CEP128: variants seen among roughly 807,000 people sequenced by gnomAD.
CEP128 encodes centrosomal protein 128, also known as centrosomal protein 128kDa.
A neutral mutation model predicts 156.7 loss-of-function variants in CEP128; 132 were observed. The ratio of observed to expected loss-of-function variants is 0.84; its 90% confidence interval spans 0.73 to 0.97. The LOEUF (loss-of-function observed/expected upper bound fraction) is 0.97, where lower values mean the gene tolerates loss of function less well. CEP128 is among the 50% of genes least tolerant of loss of function. The pLI is 0.00. For missense variants in CEP128, 1,252 were observed against 1,281.9 expected (o/e 0.98, Z 0.36); for synonymous variants, 469 against 448.9 (o/e 1.04, Z -0.57).
chr14:80,713,006 A>G (rs1327430693), intron 19 of CEP128, among the ~76,000 whole-genome samples: 2 of 152,170 alleles, frequency 1.3e-5, no homozygotes, highest in African/African-American at 4.8e-5. Context: ...AAAAACCAAA[A>G]GTTGAATCTA....
chr14:80,806,476 T>C (rs1884181830), intron 13 of CEP128, among the ~76,000 whole-genome samples: 1 of 152,224 alleles, frequency 6.6e-6, no homozygotes, highest in Admixed American at 6.5e-5. Flanking sequence ...AGGGAAATTC[T>C]GACCCTGGAA....
intron 21 of CEP128, among the ~76,000 whole-genome samples, chr14:80,551,837 G>A (rs1890221219): frequency 6.6e-6 from 1 of 152,082 alleles, no homozygotes. Context: ...ATCAAACACA[G>A]CTCTTTGTTC....
intron 8 of CEP128, among the ~76,000 whole-genome samples, chr14:80,876,013 AAAAG>A (rs1319220210): frequency 6.6e-6 from 1 of 152,162 alleles, no homozygotes; most frequent in Middle Eastern, 3.2e-3. Flanking sequence ...GAAAATATTC[AAAAG>A]AAAGAAAGAA....
intron 21 of CEP128, among the ~76,000 whole-genome samples, chr14:80,539,835 G>C (rs529487622): frequency 2.6e-5 from 4 of 152,146 alleles, no homozygotes; most frequent in South Asian, 4.2e-4. Flanking sequence ...ATGCATTCCT[G>C]GGGGGAGGTC....
chr14:80,848,656 T>C (rs1189882663), intron 9 of CEP128, among the ~76,000 whole-genome samples: 1 of 149,204 alleles, frequency 6.7e-6, no homozygotes, highest in Admixed American at 6.7e-5. Context: ...TAAGACTACA[T>C]TTCAAAACAA....
chr14:80,772,521 T>C (rs764490444), intron 16 of CEP128, among the ~76,000 whole-genome samples: 3 of 152,166 alleles, frequency 2.0e-5, no homozygotes, highest in Non-Finnish European at 4.4e-5. Flanking sequence ...TGATTCTTCC[T>C]GGATGCCGGA....
At chr14:80,807,754 C>G (rs1001878569) in intron 13 of CEP128, among the ~76,000 whole-genome samples, 1 of 152,196 alleles carries the variant, frequency 6.6e-6, no homozygotes, top group Non-Finnish European at 1.5e-5. Flanking sequence ...CACCCCAACA[C>G]AGAGACCTAA....
intron 13 of CEP128, among the ~76,000 whole-genome samples, chr14:80,810,775 T>C (rs1194722592): frequency 6.6e-6 from 1 of 152,200 alleles, no homozygotes; most frequent in African/African-American, 2.4e-5. Context: ...GGCTTTTCTT[T>C]GATGAAAGAA....
At chr14:80,951,473 A>G (rs909295585) in intron 2 of CEP128, among the ~76,000 whole-genome samples, 3 of 152,138 alleles carry the variant, frequency 2.0e-5, no homozygotes, top group African/African-American at 4.8e-5. Flanking sequence ...TTAAACGTAC[A>G]TGCTATAAAC....
chr14:80,743,071 A>G lies in CEP128; in HGVS notation c.2806+4T>C, dbSNP rs1898914136. On this transcript the variant is annotated splice_donor_region_variant and intron_variant, in intron 19 of 24. Coordinates refer to ENST00000555265, the MANE Select transcript of CEP128 (RefSeq NM_152446.5). ...AGAAAAATGAAAGAACAACTAACACACACCTCTCTTCTCACGATGTATTTC... is the reference window on the plus strand; with the variant it reads ...AGAAAAATGAAAGAACAACTAACACGCACCTCTCTTCTCACGATGTATTTC... The G allele has an allele frequency of 6.2e-7, 1 of 1,612,286 alleles. No individual in the cohort carries two copies. The highest frequency in any genetic ancestry group is 1.3e-5 in the African/African-American group (1 of 74,854).
chr14:80,726,282 T>C (rs1358515124), intron 19 of CEP128, among the ~76,000 whole-genome samples: 3 of 152,160 alleles, frequency 2.0e-5, no homozygotes, highest in African/African-American at 7.2e-5. Context: ...CTGTAATTTA[T>C]ATTCCCTCAG....
intron 8 of CEP128, among the ~76,000 whole-genome samples, chr14:80,881,112 T>C (rs1009984773): frequency 6.9e-6 from 1 of 145,902 alleles, no homozygotes; most frequent in Non-Finnish European, 1.5e-5. Context: ...ATTAAGAAAA[T>C]ACAAAAGATC....
intron 19 of CEP128, among the ~76,000 whole-genome samples, chr14:80,720,676 G>T (rs1341958199): frequency 6.6e-6 from 1 of 152,170 alleles, no homozygotes; most frequent in East Asian, 1.9e-4. Flanking sequence ...GCTAATAAAA[G>T]TTCTTCCAAA....
At chr14:80,938,499 G>A (rs1455454248) in intron 2 of CEP128, among the ~76,000 whole-genome samples, 5 of 151,836 alleles carry the variant, frequency 3.3e-5, no homozygotes, top group Non-Finnish European at 5.9e-5. Context: ...TGCCTGCCTC[G>A]GCCTCCTAAA....
chr14:80,481,568 T>G (rs1042603989), intron 14 of CEP128, among the ~76,000 whole-genome samples: 1 of 152,226 alleles, frequency 6.6e-6, no homozygotes, highest in Admixed American at 6.5e-5. Flanking sequence ...TTTAATCCAG[T>G]GCAGAATGTT....
chr14:80,701,336 T>C (rs1317221311), intron 19 of CEP128, among the ~76,000 whole-genome samples: 1 of 152,136 alleles, frequency 6.6e-6, no homozygotes, highest in African/African-American at 2.4e-5. Flanking sequence ...GGAATCACAC[T>C]GGACACATAC....
intron 10 of CEP128, among the ~76,000 whole-genome samples, chr14:80,840,099 C>A (rs1381199428): frequency 6.6e-6 from 1 of 152,084 alleles, no homozygotes; most frequent in Non-Finnish European, 1.5e-5. Context: ...AAGAACAGGG[C>A]AAATTTTCAC....
At chr14:80,678,049 A>AATATATATATATATACAT (rs1555390205) in intron 19 of CEP128, among the ~76,000 whole-genome samples, 1 of 98,502 alleles carries the variant, frequency 1.0e-5, no homozygotes, top group African/African-American at 3.2e-5. Context: ...ATAAAAAAAA[A>AATATATATATATATACAT]ATATATATAT....
intron 8 of CEP128, among the ~76,000 whole-genome samples, chr14:80,878,984 A>G (rs1451593239): frequency 1.3e-5 from 2 of 152,206 alleles, no homozygotes; most frequent in Admixed American, 6.5e-5. Flanking sequence ...CAAAAACAGG[A>G]GAATCCCTAA....
Sources: allele counts gnomAD v4.1 joint callset (sites outside exome capture counted in the v4.1 genomes callset), GRCh38; gene constraint gnomAD v4.1.1; transcripts MANE v1.5; gene names NCBI Gene and HGNC (gene_info 2026-07-23, HGNC 2026-07-21).